Variants in BANP observed in about 807,000 individuals in gnomAD.
The protein encoded by BANP is BTG3 associated nuclear protein, also known as protein BANP.
Under a neutral mutation model 68.1 loss-of-function variants are expected in BANP, and 11 were observed. The observed-to-expected ratio is 0.16, with a 90% confidence interval of 0.10 to 0.27. The LOEUF (loss-of-function observed/expected upper bound fraction) is 0.27. Ranked by LOEUF, BANP falls within the 10% of genes least tolerant of loss-of-function variation. The pLI, the probability that BANP is intolerant of heterozygous loss-of-function variation, is 1.00. For missense variants in BANP, 504 were observed against 722.7 expected (o/e 0.70, Z 3.47); for synonymous variants, 329 against 303.2 (o/e 1.09, Z -0.88).
chr16:88,026,097 A>AG, intron 7 of BANP, among the ~76,000 whole-genome samples: 1 of 152,194 alleles, frequency 6.6e-6, no homozygotes, highest in South Asian at 2.1e-4. Flanking sequence ...TGTTGAATAC[A>AG]GGGCATCTCT....
chr16:88,035,726 G>T (rs1196905375), intron 10 of BANP, among the ~76,000 whole-genome samples: 2 of 152,220 alleles, frequency 1.3e-5, no homozygotes. Context: ...GAGGCCCCCA[G>T]TGTGGCCGAG....
rs1265150644 is a variant in BANP, at chr16:88,002,731, A to T, written c.363-1564A>T. On this transcript the variant is annotated intron_variant, in intron 4 of 13. Coordinates refer to ENST00000682872, the MANE Select transcript of BANP (RefSeq NM_001386991.1). The surrounding 1 kb of genome is among the most constrained non-coding windows in gnomAD (Gnocchi z 4.6). ...AAGGATCTTCAAGGAAAAAAAAGGT[A>T]TATTTGGTCAAATGACCTTGCCAAA... Among the ~76,000 whole-genome samples the T allele has an allele frequency of 6.6e-6, 1 of 152,184 alleles. No homozygotes were observed. Among genetic ancestry groups the T allele is most frequent in the African/African-American group, 2.4e-5 (1 of 41,440 alleles).
chr16:88,055,862 G>C (rs1375978853), intron 11 of BANP, among the ~76,000 whole-genome samples: 1 of 152,166 alleles, frequency 6.6e-6, no homozygotes, highest in Non-Finnish European at 1.5e-5. Context: ...GACTCTCAGT[G>C]GTTTAGGGAA....
intron 1 of BANP, among the ~76,000 whole-genome samples, chr16:87,961,119 C>G (rs1386263042): frequency 6.6e-6 from 1 of 152,198 alleles, no homozygotes; most frequent in Admixed American, 6.5e-5. Flanking sequence ...GAGTACAAGT[C>G]AAGCCAATGG....
At position 88,034,259 on chromosome 16, in the gene BANP, C is replaced by T. The variant is rs8056722; in HGVS notation, c.1200+1014C>T. Among the ~76,000 whole-genome samples, 822 of 152,294 alleles carry T rather than the reference C, an allele frequency of 5.4e-3. 10 individuals are homozygous for T. The highest frequency in any genetic ancestry group is 0.018 in the African/African-American group (767 of 41,556). On this transcript the variant is annotated intron_variant, in intron 9 of 13. Coordinates refer to ENST00000682872, the MANE Select transcript of BANP (RefSeq NM_001386991.1). The stretch of plus-strand genomic sequence containing the variant: ...TTAATTTGTTTGACATTCACAACGG[C>T]AGTTCCTCTCATCTTGTTAGTAAGA...
rs776848483 is a variant in BANP, at chr16:87,984,068, G to T, written c.171G>T (p.Leu57=). The change falls in exon 4 of 14, where the codon CTG becomes CTT. Residue 57 remains leucine (L), a synonymous_variant. Coordinates refer to ENST00000682872, the MANE Select transcript of BANP (RefSeq NM_001386991.1). ...NCQDPSIKSF[L]YSINQTICLR... ...TCTTTTTTCACTTCCAGTCATTCCT[G>T]TATTCCATCAACCAGACAATCTGCT... 6 of 1,613,954 alleles carry T rather than the reference G, an allele frequency of 3.7e-6. No individual in the cohort carries two copies. In the Admixed American group the frequency reaches 1.0e-4, roughly 27 times the overall value.
chr16:88,026,747 C>T (rs968520377), intron 7 of BANP, among the ~76,000 whole-genome samples: 4 of 151,878 alleles, frequency 2.6e-5, no homozygotes, highest in Middle Eastern at 3.2e-3. Context: ...TTCAATTCTC[C>T]AAACCGTGTT....
intron 1 of BANP, among the ~76,000 whole-genome samples, chr16:87,974,486 A>G (rs2061667899): frequency 6.6e-6 from 1 of 152,216 alleles, no homozygotes; most frequent in African/African-American, 2.4e-5. Context: ...AAAGCAGAAC[A>G]GAGGTGCTGC....
In BANP at chr16:87,957,150, G is replaced by C. The variant is rs540263705; in HGVS notation, c.-69+5635G>C. On this transcript the variant is annotated intron_variant, in intron 1 of 13. Transcript: ENST00000682872. This position sits in a 1 kb window ranked among gnomAD's most constrained non-coding sequence, Gnocchi z 4.3. ...AACATTCTGGATCGTCAGCGTTCAC[G>C]GTGGAGCAGACTCCACGACTCGCTG... 1 of 152,220 alleles carries C rather than the reference G, an allele frequency of 6.6e-6. No individual in the cohort carries two copies. Among genetic ancestry groups the C allele is most frequent in the Admixed American group, 6.5e-5 (1 of 15,280 alleles). 9.4% of individuals were successfully genotyped at this position (152,220 alleles called of 1,614,324 possible). A position where few individuals can be genotyped will look rare whatever the true frequency, so the allele number is the denominator to read the frequency against.
chr16:88,074,017 A>G (rs2091047687), intron 13 of BANP, among the ~76,000 whole-genome samples: 1 of 152,234 alleles, frequency 6.6e-6, no homozygotes, highest in African/African-American at 2.4e-5. Flanking sequence ...GGGTTTGCCC[A>G]TCTGAGGCCA....
intron 1 of BANP, among the ~76,000 whole-genome samples, chr16:87,954,296 C>T (rs2057602308): frequency 6.6e-6 from 1 of 152,174 alleles, no homozygotes; most frequent in South Asian, 2.1e-4. Flanking sequence ...CTTATTGTTA[C>T]ACAAGTGCCT....
At chr16:88,033,298 A>G (rs1221432725) in intron 9 of BANP, 53 bp downstream of exon 9, 20 of 1,469,570 alleles carry the variant, frequency 1.4e-5, no homozygotes, top group East Asian at 7.2e-5. Flanking sequence ...GGGGTGGGCC[A>G]CGGCAGGGCC....
At chr16:88,014,748 G>C (rs1178922381) in intron 6 of BANP, among the ~76,000 whole-genome samples, 2 of 151,986 alleles carry the variant, frequency 1.3e-5, no homozygotes, top group African/African-American at 4.8e-5. Flanking sequence ...GGAGGCTGGT[G>C]GCTCAGGATG....
chr16:88,021,582 T>C (rs530365709), intron 7 of BANP, among the ~76,000 whole-genome samples: 1 of 152,358 alleles, frequency 6.6e-6, no homozygotes, highest in African/African-American at 2.4e-5. Flanking sequence ...ACGGAATTGC[T>C]GAAACGTAAA....
At chr16:87,995,068 G>A (rs11117345) in intron 4 of BANP, among the ~76,000 whole-genome samples, 51,777 of 152,030 alleles carry the variant, frequency 0.34, 10,046 homozygotes, top group Non-Finnish European at 0.46. Flanking sequence ...GGGGAGAGGC[G>A]TGAAAAGGTG....
At chr16:88,072,047 G>GC (rs1310885583) in intron 12 of BANP, 22 bp from the exon 13 acceptor site, 4 of 1,554,154 alleles carry the variant, frequency 2.6e-6, no homozygotes, top group South Asian at 2.4e-5. Context: ...CCGCTGACGG[G>GC]CCCCCGTGTG....
chr16:87,993,455 G>A (rs2066396587), intron 4 of BANP, among the ~76,000 whole-genome samples: 1 of 152,200 alleles, frequency 6.6e-6, no homozygotes, highest in Non-Finnish European at 1.5e-5. Context: ...TTTACACTCT[G>A]GGTTAGAATC....
chr16:88,050,563 C>T (rs1417032878), intron 11 of BANP, among the ~76,000 whole-genome samples: 1 of 152,208 alleles, frequency 6.6e-6, no homozygotes, highest in Non-Finnish European at 1.5e-5. Flanking sequence ...TTGCAGCCCA[C>T]AGGAGTCTCA....
In BANP at chr16:87,975,136, G is replaced by A; in HGVS notation, c.21G>A (p.Leu7=). The change falls in exon 2 of 14, where the codon CTG becomes CTA. Residue 7 remains leucine (L), a synonymous_variant. Coordinates refer to ENST00000682872, the MANE Select transcript of BANP (RefSeq NM_001386991.1). The part of the protein sequence containing the change: MMSEHD[L]ADVVQIAVED... Reference sequence around the variant, plus strand: ...TCTGGATGATGTCGGAACACGACCTGGCCGATGTGGTTCAGATTGCAGTGG... The same window carrying A: ...TCTGGATGATGTCGGAACACGACCTAGCCGATGTGGTTCAGATTGCAGTGG... 1.2e-6 allele frequency: 2 copies of A among 1,614,098 alleles called. No individual in the cohort carries two copies. Among genetic ancestry groups the A allele is most frequent in the Non-Finnish European group, 1.7e-6 (2 of 1,179,994 alleles).
Sources: gnomAD v4.1 joint callset for allele counts (sites outside exome capture counted in the v4.1 genomes callset) on GRCh38, gnomAD v4.1.1 for gene constraint, Gnocchi (gnomAD v3.1) non-coding constraint, MANE v1.5 for transcripts, NCBI Gene and HGNC (gene_info 2026-07-23, HGNC 2026-07-21) for gene names.